The following SPON1 variants were observed in gnomAD, a reference collection of about 807,000 sequenced individuals.
The protein encoded by SPON1 is spondin-1.
SPON1 carries 52 observed loss-of-function variants against 111.7 expected under a neutral mutation model. That is an observed-to-expected ratio of 0.47 (90% CI 0.37 to 0.59). The LOEUF (loss-of-function observed/expected upper bound fraction) is 0.59. SPON1 is among the 20% of genes least tolerant of loss of function. The pLI, the probability that SPON1 is intolerant of heterozygous loss-of-function variation, is 0.00. For missense variants in SPON1, 957 were observed against 1,068.5 expected, an observed-to-expected ratio of 0.90 and a Z score of 1.46; for synonymous variants, 410 against 395.8, an observed-to-expected ratio of 1.04 and a Z score of -0.43.
At chr11:14,083,213 T>G (rs1357445847) in intron 5 of SPON1, among the ~76,000 whole-genome samples, 1 of 152,230 alleles carries the variant, frequency 6.6e-6, no homozygotes, top group Non-Finnish European at 1.5e-5. Flanking sequence ...TTTTTGCAAC[T>G]GTCTTTTCTA....
At chr11:13,965,668 A>C (rs1015578527) in intron 1 of SPON1, among the ~76,000 whole-genome samples, 3 of 152,184 alleles carry the variant, frequency 2.0e-5, no homozygotes, top group Non-Finnish European at 4.4e-5. Flanking sequence ...TCTTGCAGGA[A>C]CCATGCTGAG....
chr11:14,074,832 G>C (rs1317981396), intron 3 of SPON1, among the ~76,000 whole-genome samples: 1 of 152,206 alleles, frequency 6.6e-6, no homozygotes, highest in African/African-American at 2.4e-5. Flanking sequence ...TCTTTGTTCA[G>C]AATGTAGGAG....
At chr11:14,227,397 C>G (rs185580929) in intron 6 of SPON1, among the ~76,000 whole-genome samples, 54 of 152,306 alleles carry the variant, frequency 3.5e-4, no homozygotes, top group African/African-American at 1.3e-3. Flanking sequence ...CTATTTTAAC[C>G]TTTCACTTTT....
chr11:13,995,257 A>G (rs1159555095), intron 2 of SPON1, among the ~76,000 whole-genome samples: 8 of 151,226 alleles, frequency 5.3e-5, no homozygotes, highest in African/African-American at 2.0e-4. Flanking sequence ...AAAATGCAAC[A>G]TACTAGGCTC....
At chr11:14,085,216 G>T (rs764777691) in intron 5 of SPON1, among the ~76,000 whole-genome samples, 2 of 152,086 alleles carry the variant, frequency 1.3e-5, no homozygotes, top group Non-Finnish European at 2.9e-5. Context: ...TGAAGTCTTT[G>T]CCCATGCTTA....
At chr11:14,007,694 C>T (rs782503008) in intron 2 of SPON1, among the ~76,000 whole-genome samples, 1 of 152,188 alleles carries the variant, frequency 6.6e-6, no homozygotes, top group South Asian at 2.1e-4. Flanking sequence ...GGAGGTGAAG[C>T]TCAGGCGGTA....
chr11:13,973,413 G>C (rs1198089686), intron 1 of SPON1, among the ~76,000 whole-genome samples: 1 of 152,194 alleles, frequency 6.6e-6, no homozygotes, highest in East Asian at 1.9e-4. Context: ...CGTTCTCTTG[G>C]CTGACACATC....
At chr11:14,016,111 G>A (rs529594039) in intron 2 of SPON1, among the ~76,000 whole-genome samples, 1 of 152,216 alleles carries the variant, frequency 6.6e-6, no homozygotes, top group South Asian at 2.1e-4. Context: ...AGCTCTGATG[G>A]CAGTTCCCTC....
rs1847895940 is a variant in SPON1, at chr11:14,160,389, T to TTTTATATATATA, written c.825+24835_825+24846dup. Among the ~76,000 whole-genome samples, 5 of 61,416 alleles carry TTTTATATATATA rather than the reference T, an allele frequency of 8.1e-5. 2 individuals carry two copies. Among genetic ancestry groups the TTTTATATATATA allele is most frequent in the South Asian group, 4.8e-4 (1 of 2,090 alleles). 40.3% of individuals were successfully genotyped at this position (61,416 alleles called of 152,430 possible). ...TATGTGCTCAGAACACTTACATTAT[T>TTTTATATATATA]TTTATATATATATTTATATATATAT... On this transcript the variant is annotated intron_variant, in intron 6 of 15. Coordinates refer to ENST00000576479, the MANE Select transcript of SPON1 (RefSeq NM_006108.4).
intron 6 of SPON1, among the ~76,000 whole-genome samples, chr11:14,137,335 G>C (rs148045284): frequency 6.6e-6 from 1 of 152,142 alleles, no homozygotes; most frequent in Non-Finnish European, 1.5e-5. Context: ...GCTGTGATTG[G>C]CTTGTATTAC....
At chr11:13,966,489 G>T (rs1848017273) in intron 1 of SPON1, among the ~76,000 whole-genome samples, 1 of 152,224 alleles carries the variant, frequency 6.6e-6, no homozygotes, top group Non-Finnish European at 1.5e-5. Flanking sequence ...GGAAAATAAA[G>T]TCAGACTCTG....
chr11:14,037,218 G>A (rs1189525140), intron 2 of SPON1, among the ~76,000 whole-genome samples: 1 of 151,912 alleles, frequency 6.6e-6, no homozygotes, highest in East Asian at 1.9e-4. Context: ...CCATTAACTC[G>A]TCTCAGCTTT....
intron 2 of SPON1, among the ~76,000 whole-genome samples, chr11:14,015,527 G>T (rs549077038): frequency 1.3e-5 from 2 of 152,252 alleles, no homozygotes; most frequent in Admixed American, 1.3e-4. Flanking sequence ...GGGACATTCA[G>T]ACCATAGCCA....
chr11:14,237,256 A>C (rs1418487288), intron 6 of SPON1, among the ~76,000 whole-genome samples: 5 of 152,178 alleles, frequency 3.3e-5, no homozygotes, highest in Non-Finnish European at 5.9e-5. Flanking sequence ...AAAAGCAAAT[A>C]ATGGGGCCAA....
At chr11:14,206,464 T>A (rs1848518386) in intron 6 of SPON1, among the ~76,000 whole-genome samples, 1 of 152,228 alleles carries the variant, frequency 6.6e-6, no homozygotes, top group African/African-American at 2.4e-5. Flanking sequence ...GTTACCTTTT[T>A]AAATGACAAG....
intron 2 of SPON1, among the ~76,000 whole-genome samples, chr11:13,984,908 ACTC>A (rs1357499486): frequency 4.6e-5 from 7 of 152,004 alleles, no homozygotes. Context: ...CTGTTGTTGA[ACTC>A]CTATCTCTGT....
intron 6 of SPON1, among the ~76,000 whole-genome samples, chr11:14,218,289 G>A (rs1194933859): frequency 2.6e-5 from 4 of 151,998 alleles, no homozygotes; most frequent in Non-Finnish European, 4.4e-5. Flanking sequence ...CTCCCCTAGC[G>A]GGTCTGCATC....
At chr11:14,123,373 T>A (rs1847415968) in intron 5 of SPON1, among the ~76,000 whole-genome samples, 1 of 152,202 alleles carries the variant, frequency 6.6e-6, no homozygotes, top group Admixed American at 6.5e-5. Context: ...AGGCCTGTTT[T>A]CTAAGCTGTG....
chr11:14,142,366 T>C (rs545063137), intron 6 of SPON1, among the ~76,000 whole-genome samples: 12 of 152,138 alleles, frequency 7.9e-5, no homozygotes, highest in Non-Finnish European at 1.8e-4. Flanking sequence ...CACAACTCCT[T>C]TACCATCTAC....
Sources: gnomAD v4.1 joint callset for allele counts (sites outside exome capture counted in the v4.1 genomes callset) on GRCh38, gnomAD v4.1.1 for gene constraint, MANE v1.5 for transcripts, NCBI Gene and HGNC (gene_info 2026-07-23, HGNC 2026-07-21) for gene names.